The following ACADM variants were observed in gnomAD, a reference collection of about 807,000 sequenced individuals.
The protein encoded by ACADM is acyl-CoA dehydrogenase medium chain, also known as medium-chain specific acyl-CoA dehydrogenase, mitochondrial.
In ACADM, 49 loss-of-function variants were observed where a neutral mutation model predicts 58.9. The ratio of observed to expected loss-of-function variants is 0.83; its 90% CI spans 0.66 to 1.06. The LOEUF is 1.06. ACADM is among the 50% of genes least tolerant of loss of function. The pLI, the probability that ACADM is intolerant of heterozygous loss-of-function variation, is 0.00. For synonymous variants in ACADM, 160 were observed against 157.7 expected (o/e 1.01, Z -0.11); for missense variants, 496 against 507.0 (o/e 0.98, Z 0.21).
chr1:75,742,581 C>T (rs948669625), intron 7 of ACADM, among the ~76,000 whole-genome samples: 8 of 152,148 alleles, frequency 5.3e-5, no homozygotes, highest in African/African-American at 1.4e-4. Context: ...TTCGGGACTA[C>T]GCTTGGTTCC....
intron 6 of ACADM, among the ~76,000 whole-genome samples, chr1:75,735,644 G>C (rs1044467765): frequency 9.2e-5 from 14 of 152,126 alleles, no homozygotes; most frequent in Non-Finnish European, 1.9e-4. Flanking sequence ...CCTGAGGTTA[G>C]GAGTTCGAGA....
chr1:75,739,901 TAAAAC>T (rs1647467711), intron 6 of ACADM, 74 bp from the exon 7 acceptor site: 4 of 1,059,750 alleles, frequency 3.8e-6, no homozygotes, highest in East Asian at 2.8e-5. Context: ...GCTTAAAAAA[TAAAAC>T]AATCCTGTTT....
chr1:75,754,492 G>A (rs900933643), intron 10 of ACADM, among the ~76,000 whole-genome samples: 2 of 152,190 alleles, frequency 1.3e-5, no homozygotes, highest in Non-Finnish European at 2.9e-5. Flanking sequence ...ACAGGCGTGA[G>A]CCACCGTGTC....
chr1:75,752,016 A>G (rs1459883426), intron 10 of ACADM, among the ~76,000 whole-genome samples: 1 of 144,238 alleles, frequency 6.9e-6, no homozygotes, highest in African/African-American at 2.6e-5. Context: ...TTTTTGAGAC[A>G]GGGTCTTGGT....
At chr1:75,752,246 G>A (rs909430094) in intron 10 of ACADM, among the ~76,000 whole-genome samples, 1 of 151,952 alleles carries the variant, frequency 6.6e-6, no homozygotes, top group Non-Finnish European at 1.5e-5. Context: ...CCCCCCATGA[G>A]CCTCCTATTC....
intron 10 of ACADM, among the ~76,000 whole-genome samples, chr1:75,757,319 G>A (rs1170946027): frequency 6.6e-6 from 1 of 151,892 alleles, no homozygotes; most frequent in Admixed American, 6.6e-5. Context: ...TCTGACAAAG[G>A]GCTAATATCC....
rs146072296 is a variant in ACADM at position 75,733,532 on chromosome 1, T to C, written c.291T>C (p.Gly97=). The change falls in exon 5 of 12, where the codon GGT becomes GGC. Residue 97 remains glycine (G), a synonymous_variant. Coordinates refer to ENST00000370841, the MANE Select transcript of ACADM (RefSeq NM_000016.6). ...MNTHIPENCG[G]LGLGTFDACL... ...TGAAACATTTTGATACTGTAGGAGG[T>C]CTTGGACTTGGAACTTTTGATGCTT... 6.2e-7 allele frequency: 1 copy of C among 1,613,198 alleles called. No individual in the cohort carries two copies. Among genetic ancestry groups the C allele is most frequent in the East Asian group, 2.2e-5 (1 of 44,838 alleles).
Position 75,745,797 on chromosome 1 carries a change from A to G in ACADM, c.600-9A>G, listed in dbSNP as rs772764643. On this transcript the variant is annotated splice_polypyrimidine_tract_variant and intron_variant, in intron 7 of 11. Coordinates refer to ENST00000370841, the MANE Select transcript of ACADM (RefSeq NM_000016.6). ...ATTATCACCATTATCCGGTATGTGT[A>G]TCTCTTAGGTATTTTTTATTGGCAC... The G allele has an allele frequency of 3.1e-6, 5 of 1,588,628 alleles. No individual in the cohort carries two copies. In the South Asian group the frequency reaches 3.3e-5, roughly 11 times the overall value.
intron 6 of ACADM, among the ~76,000 whole-genome samples, chr1:75,737,108 GA>G (rs1220716330): frequency 4.0e-5 from 6 of 150,070 alleles, no homozygotes; most frequent in South Asian, 2.1e-4. Flanking sequence ...AAATAATACA[GA>G]AAAAAAATAA....
At chr1:75,724,840 G>A in intron 1 of ACADM, 23 bp downstream of exon 1, 1 of 1,467,578 alleles carries the variant, frequency 6.8e-7, no homozygotes, top group Non-Finnish European at 9.1e-7. Flanking sequence ...CCAGCGGTGC[G>A]GTGGGGCTGG....
chr1:75,733,164 T>C, intron 4 of ACADM: 1 of 1,612,618 alleles, frequency 6.2e-7, no homozygotes, highest in Non-Finnish European at 8.5e-7. Flanking sequence ...CTTCCGTTTC[T>C]AGAGTTGGTC....
intron 1 of ACADM, among the ~76,000 whole-genome samples, 183 bp downstream of exon 1, chr1:75,725,000 C>A (rs1032195176): frequency 4.6e-5 from 7 of 152,124 alleles, no homozygotes; most frequent in Admixed American, 4.6e-4. Flanking sequence ...CGTAGCCTAG[C>A]GTTTCATTTT....
At chr1:75,727,211 G>C (rs1647070460) in intron 1 of ACADM, among the ~76,000 whole-genome samples, 1 of 152,126 alleles carries the variant, frequency 6.6e-6, no homozygotes. Flanking sequence ...GGAAAGCACT[G>C]TTTCAATTAC....
chr1:75,757,287 G>C (rs1648561709), intron 10 of ACADM, among the ~76,000 whole-genome samples: 1 of 152,092 alleles, frequency 6.6e-6, no homozygotes, highest in Non-Finnish European at 1.5e-5. Context: ...CAGAATGGGA[G>C]AAAATTTTTA....
chr1:75,733,596 GT>G lies in ACADM; in HGVS notation c.357del (p.Gln120ArgfsTer30). On this transcript the variant is annotated frameshift_variant, in exon 5 of 12. Transcript: ENST00000370841. LOFTEE classifies it high-confidence loss of function. ...SEELAYGCTG[V>X]QTAIEGNSLG... The stretch of plus-strand genomic sequence containing the variant: ...AGAATTGGCTTATGGATGTACAGGG[GT>G]TCAGACTGCTATTGAAGGAAATTCT... 6.2e-7 allele frequency: 1 copy of G among 1,614,006 alleles called. No homozygotes were observed. Among genetic ancestry groups the G allele is most frequent in the Non-Finnish European group, 8.5e-7 (1 of 1,179,974 alleles).
At chr1:75,756,080 T>C (rs1007049553) in intron 10 of ACADM, among the ~76,000 whole-genome samples, 2 of 152,136 alleles carry the variant, frequency 1.3e-5, no homozygotes, top group African/African-American at 4.8e-5. Flanking sequence ...AAATAATAGC[T>C]ATTTATGACA....
At chr1:75,753,795 CTTTTT>C (rs71071962) in intron 10 of ACADM, among the ~76,000 whole-genome samples, 2 of 81,922 alleles carry the variant, frequency 2.4e-5, no homozygotes, top group African/African-American at 6.1e-5. Context: ...CTGATAGCTT[CTTTTT>C]TTTTTTTTTT....
intron 6 of ACADM, among the ~76,000 whole-genome samples, chr1:75,739,499 G>T (rs1299530917): frequency 6.6e-6 from 1 of 152,120 alleles, no homozygotes; most frequent in African/African-American, 2.4e-5. Context: ...TGCCTAATTT[G>T]AATTATATAT....
rs781412561 is a variant in ACADM, at chr1:75,733,555, C to T, written c.314C>T (p.Ala105Val). 5.0e-6 allele frequency: 8 copies of T among 1,613,942 alleles called. No homozygotes were observed. Among genetic ancestry groups the T allele is most frequent in the Non-Finnish European group, 6.8e-6 (8 of 1,179,958 alleles). Reference sequence around the variant, plus strand: ...GGTCTTGGACTTGGAACTTTTGATGCTTGTTTAATTAGTGAAGAATTGGCT... The same window carrying T: ...GGTCTTGGACTTGGAACTTTTGATGTTTGTTTAATTAGTGAAGAATTGGCT... ...CGGLGLGTFDACLISEELAYG... is the reference protein window; with the variant it reads ...CGGLGLGTFDVCLISEELAYG... The change falls in exon 5 of 12, where the codon GCT becomes GTT. Residue 105 changes from alanine to valine, a missense_variant. Coordinates refer to ENST00000370841, the MANE Select transcript of ACADM (RefSeq NM_000016.6).
Sources: gnomAD v4.1 joint callset for allele counts (sites outside exome capture counted in the v4.1 genomes callset) on GRCh38, gnomAD v4.1.1 for gene constraint, MANE v1.5 for transcripts, NCBI Gene and HGNC (gene_info 2026-07-23, HGNC 2026-07-21) for gene names.